The following NCKAP5 variants were observed in gnomAD, a reference collection of about 807,000 sequenced individuals.
The protein encoded by NCKAP5 is nck-associated protein 5.
NCKAP5 carries 92 observed loss-of-function variants against 167.0 expected under a neutral mutation model. The observed-to-expected ratio is 0.55, with a 90% confidence interval of 0.47 to 0.66. NCKAP5 has a LOEUF of 0.66. Ranked by LOEUF, NCKAP5 falls within the 30% of genes least tolerant of loss-of-function variation. The pLI, the probability that NCKAP5 is intolerant of heterozygous loss-of-function variation, is 0.00. For synonymous variants in NCKAP5, 891 were observed against 877.4 expected, an observed-to-expected ratio of 1.02 and a Z score of -0.27; for missense variants, 2,378 against 2,315.0, an observed-to-expected ratio of 1.03 and a Z score of -0.56.
the NCKAP5 span, among the ~76,000 whole-genome samples, chr2:133,612,436 C>T: frequency 1.3e-4 from 20 of 152,122 alleles, no homozygotes; most frequent in Admixed American, 5.2e-4. Flanking sequence ...AATACACAAG[C>T]ATTGTGTTTT....
intron 3 of NCKAP5, among the ~76,000 whole-genome samples, chr2:133,422,956 C>G (rs148575958): frequency 6.6e-6 from 1 of 152,270 alleles, no homozygotes; most frequent in Non-Finnish European, 1.5e-5. Flanking sequence ...GACCCCACCA[C>G]CGGGAAGCCT....
intron 6 of NCKAP5, among the ~76,000 whole-genome samples, chr2:133,006,546 C>T (rs375561914): frequency 1.4e-3 from 219 of 152,196 alleles, no homozygotes; most frequent in African/African-American, 5.0e-3. Context: ...CTTGACTAAA[C>T]TTGATTCTCA....
At chr2:132,963,486 T>A (rs2076576656) in intron 8 of NCKAP5, among the ~76,000 whole-genome samples, 1 of 152,230 alleles carries the variant, frequency 6.6e-6, no homozygotes, top group Admixed American at 6.5e-5. Context: ...GGGCTGAATT[T>A]AAGTTAAAAT....
chr2:133,194,255 G>A (rs1299802381), intron 5 of NCKAP5, among the ~76,000 whole-genome samples: 2 of 151,920 alleles, frequency 1.3e-5, no homozygotes, highest in Non-Finnish European at 2.9e-5. Flanking sequence ...TTAGGCTGGT[G>A]TATTTCAGTT....
At chr2:132,774,455 G>A (rs1434058645) in intron 15 of NCKAP5, among the ~76,000 whole-genome samples, 1 of 151,856 alleles carries the variant, frequency 6.6e-6, no homozygotes, top group East Asian at 1.9e-4. Flanking sequence ...CAGTGAACCA[G>A]AGCAGTGAGT....
At chr2:132,937,620 T>C (rs1197585879) in intron 8 of NCKAP5, among the ~76,000 whole-genome samples, 1 of 152,250 alleles carries the variant, frequency 6.6e-6, no homozygotes, top group East Asian at 1.9e-4. Context: ...CAAATGTTGA[T>C]TGCTGCTTGT....
chr2:133,488,326 G>C (rs1372922179), intron 3 of NCKAP5, among the ~76,000 whole-genome samples: 1 of 152,062 alleles, frequency 6.6e-6, no homozygotes, highest in Admixed American at 6.5e-5. Flanking sequence ...CTCTAGCAAG[G>C]GCTGGTCAAA....
intron 3 of NCKAP5, among the ~76,000 whole-genome samples, chr2:133,313,484 AAG>A (rs1681393143): frequency 1.3e-5 from 2 of 152,328 alleles, no homozygotes; most frequent in African/African-American, 2.4e-5. Context: ...TTTAGGTAAA[AAG>A]AGTTATACTT....
At chr2:133,311,350 C>T (rs917704648) in intron 3 of NCKAP5, among the ~76,000 whole-genome samples, 36 of 152,176 alleles carry the variant, frequency 2.4e-4, no homozygotes, top group African/African-American at 6.8e-4. Context: ...CTGCATAGGA[C>T]GAGGTATGGG....
At chr2:132,936,348 G>A (rs1203249477) in intron 8 of NCKAP5, among the ~76,000 whole-genome samples, 1 of 151,730 alleles carries the variant, frequency 6.6e-6, no homozygotes, top group Admixed American at 6.6e-5. Context: ...CTAACAAGGA[G>A]CTGAATGACT....
chr2:133,209,573 T>TAC (rs2086114117), intron 5 of NCKAP5, among the ~76,000 whole-genome samples: 2 of 151,864 alleles, frequency 1.3e-5, no homozygotes, highest in African/African-American at 4.8e-5. Flanking sequence ...GCATTACTTC[T>TAC]ACTTCTACAT....
chr2:133,444,978 T>C (rs1253970549), intron 3 of NCKAP5, among the ~76,000 whole-genome samples: 1 of 152,188 alleles, frequency 6.6e-6, no homozygotes, highest in Non-Finnish European at 1.5e-5. Flanking sequence ...CATGTGATAA[T>C]AAAAAATAAG....
chr2:133,290,716 C>T (rs993547830), intron 4 of NCKAP5, among the ~76,000 whole-genome samples: 38 of 134,830 alleles, frequency 2.8e-4, no homozygotes, highest in Admixed American at 7.9e-4. Context: ...TATGAGGCCA[C>T]AAGAATTTCT....
Position 133,031,611 on chromosome 2 carries a change from G to T in NCKAP5, c.342-37372C>A, listed in dbSNP as rs147079891. Among the ~76,000 whole-genome samples the T allele has an allele frequency of 3.3e-5, 5 of 151,724 alleles. No homozygotes were observed. The East Asian group carries it at 9.9e-4, about 30-fold the overall frequency. On this transcript the variant is annotated intron_variant, in intron 6 of 19. Transcript: ENST00000409261. ...CTGCTGGCGGGTGGGTGGGGCATGTGACTTTCTGAGATACCAGCTGGGGCA... is the reference window on the plus strand; with the variant it reads ...CTGCTGGCGGGTGGGTGGGGCATGTTACTTTCTGAGATACCAGCTGGGGCA...
the NCKAP5 span, among the ~76,000 whole-genome samples, chr2:133,612,785 A>G: frequency 6.6e-6 from 1 of 152,294 alleles, no homozygotes; most frequent in Admixed American, 6.5e-5. Context: ...AATACTAAGA[A>G]CTACTTTTGC....
intron 5 of NCKAP5, among the ~76,000 whole-genome samples, chr2:133,204,307 T>C (rs1458101204): frequency 6.6e-6 from 1 of 152,208 alleles, no homozygotes; most frequent in African/African-American, 2.4e-5. Context: ...GATTTCACAA[T>C]TTTTAAACAG....
At chr2:133,133,453 A>C (rs4954029) in intron 5 of NCKAP5, among the ~76,000 whole-genome samples, 75,234 of 152,020 alleles carry the variant, frequency 0.49, 19,397 homozygotes, top group African/African-American at 0.66. Flanking sequence ...CTTAGCAAAG[A>C]TCTCAAATCG....
chr2:132,706,090 C>CACACACAT (rs953746932), intron 19 of NCKAP5, among the ~76,000 whole-genome samples: 295 of 152,232 alleles, frequency 1.9e-3, no homozygotes, highest in African/African-American at 6.5e-3. Flanking sequence ...ACATTACACA[C>CACACACAT]ACACACATAC....
intron 3 of NCKAP5, among the ~76,000 whole-genome samples, chr2:133,485,913 T>A (rs1680865260): frequency 6.6e-6 from 1 of 152,156 alleles, no homozygotes; most frequent in Non-Finnish European, 1.5e-5. Context: ...AACAACACTA[T>A]GAGGCAGATG....
Sources: gnomAD v4.1 joint callset for allele counts (sites outside exome capture counted in the v4.1 genomes callset) on GRCh38, gnomAD v4.1.1 for gene constraint, MANE v1.5 for transcripts, NCBI Gene and HGNC (gene_info 2026-07-23, HGNC 2026-07-21) for gene names.